The following UROS variants were observed in gnomAD, a reference collection of about 807,000 sequenced individuals.
The protein encoded by UROS is uroporphyrinogen III synthase, also known as uroporphyrinogen-III synthase.
A neutral mutation model predicts 33.0 loss-of-function variants in UROS; 18 were observed. That is an observed-to-expected ratio of 0.55 (90% CI 0.38 to 0.81). UROS has a LOEUF of 0.81. Among genes scored for constraint, UROS ranks in the 30% least tolerant of loss-of-function variants. The probability of loss-of-function intolerance (pLI) is 0.00; values close to 1 mark genes in which losing one functional copy is unlikely to be tolerated. For synonymous variants in UROS, 114 were observed against 121.1 expected, an observed-to-expected ratio of 0.94 and a Z score of 0.38; for missense variants, 293 against 314.9, an observed-to-expected ratio of 0.93 and a Z score of 0.53.
At chr10:125,799,501 C>T (rs1851633260) in intron 6 of UROS, among the ~76,000 whole-genome samples, 1 of 152,166 alleles carries the variant, frequency 6.6e-6, no homozygotes, top group East Asian at 1.9e-4. Flanking sequence ...GCAAGCCCAG[C>T]CCCACAGGTG....
intron 4 of UROS, 53 bp from the exon 5 acceptor site, chr10:125,812,341 A>G: frequency 6.5e-7 from 1 of 1,540,476 alleles, no homozygotes; most frequent in East Asian, 2.2e-5. Context: ...GGCCATTTGG[A>G]CTGTTGCCCA....
At chr10:125,803,792 C>T (rs952787937) in intron 6 of UROS, among the ~76,000 whole-genome samples, 1 of 152,198 alleles carries the variant, frequency 6.6e-6, no homozygotes, top group African/African-American at 2.4e-5. Flanking sequence ...CCATGCTGTA[C>T]TCTCCAGGAA....
chr10:125,815,603 G>A (rs1352967794), intron 3 of UROS, among the ~76,000 whole-genome samples: 2 of 152,200 alleles, frequency 1.3e-5, no homozygotes, highest in Non-Finnish European at 2.9e-5. Context: ...CTAGGCTGCT[G>A]TACATATCTG....
intron 8 of UROS, 156 bp from the exon 9 acceptor site, chr10:125,795,134 A>T: frequency 1.4e-6 from 1 of 706,570 alleles, no homozygotes. Flanking sequence ...CCTCTGCTCC[A>T]GTGAGGCAGG....
intron 7 of UROS, 90 bp from the exon 8 acceptor site, chr10:125,796,278 C>A: frequency 8.0e-7 from 1 of 1,248,888 alleles, no homozygotes; most frequent in South Asian, 1.2e-5. Context: ...TGAAACCTCC[C>A]AATACAGCAC....
chr10:125,819,817 G>GC (rs993714479), intron 1 of UROS: 12 of 152,396 alleles, frequency 7.9e-5, no homozygotes, highest in Admixed American at 3.3e-4. Flanking sequence ...GGCGGGAGAA[G>GC]CCCCAGCAGA....
intron 6 of UROS, among the ~76,000 whole-genome samples, chr10:125,806,044 G>A (rs1355353513): frequency 6.6e-6 from 1 of 152,136 alleles, no homozygotes; most frequent in African/African-American, 2.4e-5. Flanking sequence ...TCAGACCACA[G>A]TGTAGAAAAA....
chr10:125,803,045 A>G (rs1564787671), intron 6 of UROS: 7 of 1,612,904 alleles, frequency 4.3e-6, no homozygotes, highest in East Asian at 2.2e-5. Flanking sequence ...AGAAATGAGC[A>G]TATTTTGGAC....
At chr10:125,790,133 G>A (rs1220395225) in intron 9 of UROS, among the ~76,000 whole-genome samples, 1 of 152,162 alleles carries the variant, frequency 6.6e-6, no homozygotes, top group Admixed American at 6.5e-5. Context: ...GAGTCAGAAC[G>A]AGGGGAGGGA....
At chr10:125,816,790 C>T (rs749111103) in intron 1 of UROS, among the ~76,000 whole-genome samples, 4 of 152,140 alleles carry the variant, frequency 2.6e-5, no homozygotes, top group Non-Finnish European at 5.9e-5. Context: ...CTATGCCAAA[C>T]GTTTATGGTT....
intron 1 of UROS, among the ~76,000 whole-genome samples, chr10:125,818,220 G>A (rs12761765): frequency 0.043 from 6,516 of 152,258 alleles, 217 homozygotes; most frequent in Non-Finnish European, 0.063. Flanking sequence ...AGTGGTTCAT[G>A]CCTGGTAATC....
intron 9 of UROS, 200 bp from the exon 10 acceptor site, chr10:125,789,205 A>C: frequency 6.9e-7 from 1 of 1,441,536 alleles, no homozygotes; most frequent in Non-Finnish European, 9.2e-7. Context: ...CCACGCTCTC[A>C]TCAGTCTGCC....
At chr10:125,818,077 T>A (rs1853509770) in intron 1 of UROS, among the ~76,000 whole-genome samples, 1 of 152,184 alleles carries the variant, frequency 6.6e-6, no homozygotes, top group African/African-American at 2.4e-5. Context: ...CTGAGATGTG[T>A]TGCAAATAAA....
chr10:125,812,144 T>C, intron 5 of UROS, 70 bp downstream of exon 5: 3 of 1,439,856 alleles, frequency 2.1e-6, no homozygotes, highest in East Asian at 2.3e-5. Context: ...TTAAACTGAG[T>C]TAAACTGTTT....
intron 3 of UROS, among the ~76,000 whole-genome samples, chr10:125,815,615 C>T (rs1004555718): frequency 1.3e-5 from 2 of 152,204 alleles, no homozygotes; most frequent in Non-Finnish European, 2.9e-5. Flanking sequence ...ACATATCTGA[C>T]TTCACTGAAG....
intron 1 of UROS, among the ~76,000 whole-genome samples, chr10:125,818,403 G>T (rs961305053): frequency 6.6e-6 from 1 of 152,100 alleles, no homozygotes; most frequent in Admixed American, 6.5e-5. Flanking sequence ...TGAGGTGGGA[G>T]AATCACTTGA....
chr10:125,794,968 G>A lies in UROS; in HGVS notation c.572C>T (p.Ala191Val). Residue 191 changes from alanine (A) to valine (V), a missense_variant, in exon 9 of 10, where the codon GCC (alanine) becomes GTC (valine). By Grantham distance (64) the Ala-to-Val change is moderately conservative (BLOSUM62 0). Coordinates refer to ENST00000368797, the MANE Select transcript of UROS (RefSeq NM_000375.3). ...NSYYSQQGVP[A>V]SITFFSPSGL... ...AGAGGGACTAAAAAATGTGATGCTG[G>A]CTGGAACCCCCTGTGGGGAACAGAA... The A allele has an allele frequency of 1.9e-6, 3 of 1,614,094 alleles. No homozygotes were observed. Among genetic ancestry groups the A allele is most frequent in the Non-Finnish European group, 2.5e-6 (3 of 1,179,940 alleles).
chr10:125,821,551 T>C (rs1368857354), intron 1 of UROS, among the ~76,000 whole-genome samples: 4 of 152,242 alleles, frequency 2.6e-5, no homozygotes, highest in Admixed American at 6.5e-5. Context: ...GTGGTGATGG[T>C]TGCACAATGT....
At chr10:125,798,257 C>T (rs1467968781) in intron 6 of UROS, 112 bp from the exon 7 acceptor site, 12 of 1,091,444 alleles carry the variant, frequency 1.1e-5, no homozygotes, top group East Asian at 5.0e-5. Context: ...CCAGGCCTGG[C>T]TCTGCTTCTA....
Sources: allele counts gnomAD v4.1 joint callset (sites outside exome capture counted in the v4.1 genomes callset), GRCh38; gene constraint gnomAD v4.1.1; transcripts MANE v1.5; gene names NCBI Gene and HGNC (gene_info 2026-07-23, HGNC 2026-07-21).